The following RBCK1 variants were observed in gnomAD, a reference collection of about 807,000 sequenced individuals.
RBCK1 encodes the protein RANBP2-type and C3HC4-type zinc finger containing 1, also known as ranBP-type and C3HC4-type zinc finger-containing protein 1.
A neutral mutation model predicts 71.1 loss-of-function variants in RBCK1; 44 were observed. The observed-to-expected ratio is 0.62, with a 90% confidence interval of 0.49 to 0.80. The LOEUF (loss-of-function observed/expected upper bound fraction) is 0.80, where lower values mean the gene tolerates loss of function less well. Among genes scored for constraint, RBCK1 ranks in the 30% least tolerant of loss-of-function variants. The probability of loss-of-function intolerance (pLI) is 0.00; values close to 1 mark genes in which losing one functional copy is unlikely to be tolerated. For synonymous variants in RBCK1, 306 were observed against 279.7 expected (o/e 1.09, Z -0.94); for missense variants, 569 against 685.0 (o/e 0.83, Z 1.89).
In RBCK1 at chr20:419,558, G is replaced by A. The variant is rs746398460; in HGVS notation, c.583G>A (p.Val195Met). Residue 195 changes from valine (V) to methionine (M), a missense_variant and splice_region_variant, in exon 6 of 12, where the codon GTG becomes ATG. By Grantham distance (21) the Val-to-Met change is conservative. Around this residue, in one of 2 missense-constraint regions of RBCK1, gnomAD observed 358 missense variants for 375.6 expected, o/e 0.95. Coordinates refer to ENST00000356286, the MANE Select transcript of RBCK1 (RefSeq NM_031229.4). ...QPDAVPEPPP[V>M]GWQCPGCTFI... ...GGCTCACAGCACCCTCTGCTCCCAGGTGGGCTGGCAGTGCCCCGGGTGCAC... is the reference window on the plus strand; with the variant it reads ...GGCTCACAGCACCCTCTGCTCCCAGATGGGCTGGCAGTGCCCCGGGTGCAC... The A allele has an allele frequency of 3.7e-6, 6 of 1,606,550 alleles. No homozygotes were observed. Among genetic ancestry groups the A allele is most frequent in the Non-Finnish European group, 5.1e-6 (6 of 1,176,844 alleles).
At chr20:424,286 A>G (rs2122297699) in intron 8 of RBCK1, among the ~76,000 whole-genome samples, 1 of 152,250 alleles carries the variant, frequency 6.6e-6, no homozygotes. Context: ...TGAAAAGTGG[A>G]CAGTTGGGCT....
chr20:426,816 C>CTTTTTTTTTTTTTTTT (rs768525416), intron 8 of RBCK1, among the ~76,000 whole-genome samples: 1 of 95,508 alleles, frequency 1.0e-5, no homozygotes, highest in African/African-American at 5.3e-5. Context: ...TTTTCTTTTC[C>CTTTTTTTTTTTTTTTT]TTTTTTTTTT....
Position 428,885 on chromosome 20 carries a change from TG to T in RBCK1, c.1309-62del. The T allele has an allele frequency of 6.6e-7, 1 of 1,524,106 alleles. No individual in the cohort carries two copies. 94.4% of individuals were successfully genotyped at this position (1,524,106 alleles called of 1,614,324 possible). On this transcript the variant is annotated intron_variant, in intron 10 of 11. Coordinates refer to ENST00000356286, the MANE Select transcript of RBCK1 (RefSeq NM_031229.4). The surrounding 1 kb of genome is among the most constrained non-coding windows in gnomAD (Gnocchi z 5.7). ...GAGGGTCACCACCTTCTCCCTGCCATGGGGAGGGGCCAGGCTGGGTGACTGC... is the reference window on the plus strand; with the variant it reads ...GAGGGTCACCACCTTCTCCCTGCCATGGGAGGGGCCAGGCTGGGTGACTGC...
At chr20:411,417 G>C (rs987545458) in intron 2 of RBCK1, among the ~76,000 whole-genome samples, 1 of 151,822 alleles carries the variant, frequency 6.6e-6, no homozygotes, top group Non-Finnish European at 1.5e-5. Context: ...CCCCAGGCTG[G>C]AGTGCAGTGG....
intron 8 of RBCK1, among the ~76,000 whole-genome samples, chr20:423,334 T>C (rs1412237524): frequency 6.6e-6 from 1 of 152,114 alleles, no homozygotes; most frequent in Non-Finnish European, 1.5e-5. Context: ...GTAGTGCTTG[T>C]CACATAGTAA....
chr20:429,224 G>T (rs1224149371), intron 11 of RBCK1, 130 bp downstream of exon 11: 85 of 1,188,472 alleles, frequency 7.2e-5, no homozygotes, highest in Non-Finnish European at 8.6e-5. Flanking sequence ...CCCGAGGTAA[G>T]AATTTTTTTT....
rs6037624 is a variant in RBCK1, at chr20:428,648, C to T, written c.1308+59C>T. The T allele has an allele frequency of 0.048, 71,790 of 1,506,264 alleles. 1,939 individuals are homozygous for T. Among genetic ancestry groups the T allele is most frequent in the South Asian group, 0.076 (5,990 of 78,406 alleles). The allele number at this position is 1,506,264 out of a possible 1,614,324, so 93.3% of individuals were successfully genotyped here. A position where few individuals can be genotyped will look rare whatever the true frequency, so the allele number is the denominator to read the frequency against. Reference sequence around the variant, plus strand: ...TTAAGTTCTGGGATCCAGGTGGGGGCTGGGGGCTTCCCAGTAAGGGCTGTG... The same window carrying T: ...TTAAGTTCTGGGATCCAGGTGGGGGTTGGGGGCTTCCCAGTAAGGGCTGTG... On this transcript the variant is annotated intron_variant, in intron 10 of 11. Transcript: ENST00000356286. The surrounding 1 kb of genome is among the most constrained non-coding windows in gnomAD (Gnocchi z 5.7).
chr20:410,144 T>C, intron 2 of RBCK1, 119 bp downstream of exon 2: 1 of 1,129,644 alleles, frequency 8.9e-7, no homozygotes, highest in Non-Finnish European at 1.2e-6. Context: ...CTAACCCTAG[T>C]TATGTCATTA....
At position 428,637 on chromosome 20, in the gene RBCK1, C is replaced by T. The variant is rs746367898; in HGVS notation, c.1308+48C>T. 2.5e-4 allele frequency: 382 copies of T among 1,542,294 alleles called. No individual in the cohort carries two copies. The highest frequency in any genetic ancestry group is 3.2e-4 in the Non-Finnish European group (370 of 1,140,758). Reference sequence around the variant, plus strand: ...GCCTAGGGATTTTAAGTTCTGGGATCCAGGTGGGGGCTGGGGGCTTCCCAG... The same window carrying T: ...GCCTAGGGATTTTAAGTTCTGGGATTCAGGTGGGGGCTGGGGGCTTCCCAG... On this transcript the variant is annotated intron_variant, in intron 10 of 11. Coordinates refer to ENST00000356286, the MANE Select transcript of RBCK1 (RefSeq NM_031229.4). The surrounding 1 kb of genome is among the most constrained non-coding windows in gnomAD (Gnocchi z 5.7).
chr20:429,364 T>C (rs1390125509), intron 11 of RBCK1, among the ~76,000 whole-genome samples: 1 of 152,036 alleles, frequency 6.6e-6, no homozygotes, highest in Non-Finnish European at 1.5e-5. Context: ...GTAGCTGGGA[T>C]TACAGGCATG....
chr20:417,457 G>T lies in RBCK1; in HGVS notation c.168-69G>T. On this transcript the variant is annotated intron_variant, in intron 2 of 11. Coordinates refer to ENST00000356286, the MANE Select transcript of RBCK1 (RefSeq NM_031229.4). This position sits in a 1 kb window ranked among gnomAD's most constrained non-coding sequence, Gnocchi z 4.7. The stretch of plus-strand genomic sequence containing the variant: ...TGTGCCTGTGTGCAAATATGTACAT[G>T]TCTGTAGCCGGTGGCTGAGGCTGGA... 7.5e-7 allele frequency: 1 copy of T among 1,339,452 alleles called. No individual in the cohort carries two copies. Among genetic ancestry groups the T allele is most frequent in the Non-Finnish European group, 1.1e-6 (1 of 933,292 alleles). The allele number at this position is 1,339,452 out of a possible 1,614,324, so 83.0% of individuals were successfully genotyped here.
chr20:426,795 TTTC>T (rs1325054649), intron 8 of RBCK1, among the ~76,000 whole-genome samples: 2 of 151,236 alleles, frequency 1.3e-5, no homozygotes, highest in Non-Finnish European at 2.9e-5. Flanking sequence ...TTTCTTTCAC[TTTC>T]TTTTTACTTT....
Position 431,643 on chromosome 20 carries a change from A to G in RBCK1, c.*1213A>G, listed in dbSNP as rs2122357290. On this transcript the variant is annotated 3_prime_UTR_variant, in exon 12 of 12. Transcript: ENST00000356286. This position sits in a 1 kb window ranked among gnomAD's most constrained non-coding sequence, Gnocchi z 4.8. The stretch of plus-strand genomic sequence containing the variant: ...GGAAGGGCCTGTTCTAGCAACTGGA[A>G]AGGCACTGCCACCTGCCGTTGGATG... Among the ~76,000 whole-genome samples, 1 of 152,276 alleles carries G rather than the reference A, an allele frequency of 6.6e-6. No homozygotes were observed. The highest frequency in any genetic ancestry group is 6.5e-5 in the Admixed American group (1 of 15,300).
chr20:429,016 C>T lies in RBCK1; in HGVS notation c.1374C>T (p.Asp458=), dbSNP rs780494996. The T allele has an allele frequency of 1.7e-5, 27 of 1,612,294 alleles. No individual in the cohort carries two copies. The highest frequency in any genetic ancestry group is 8.9e-5 in the East Asian group (4 of 44,894). ...GCCAGATCGTGGTACAGAAGAAGGA[C>T]GGCTGCGACTGGATCCGCTGCACCG... ...PQCQIVVQKK[D]GCDWIRCTVC... is the part of the protein sequence containing the mutation. The change falls in exon 11 of 12, where the codon GAC becomes GAT. Residue 458 remains aspartate (D), a synonymous_variant. Coordinates refer to ENST00000356286, the MANE Select transcript of RBCK1 (RefSeq NM_031229.4).
In RBCK1 at chr20:409,789, C is replaced by T. The variant is rs1030499353; in HGVS notation, c.23-92C>T. 1.2e-5 allele frequency: 18 copies of T among 1,521,320 alleles called. No individual in the cohort carries two copies. In the African/African-American group the frequency reaches 1.8e-4, roughly 15 times the overall value. 94.2% of individuals were successfully genotyped at this position (1,521,320 alleles called of 1,614,324 possible). A position where few individuals can be genotyped will look rare whatever the true frequency, so the allele number is the denominator to read the frequency against. ...CACCAGGAAGACAGAGAAAGCAGCA[C>T]ACACAAAGGATCGCCTCCTTTCCTA... On this transcript the variant is annotated intron_variant, in intron 1 of 11. Transcript: ENST00000356286.
chr20:410,792 TAGTA>T, intron 2 of RBCK1: 1 of 452,286 alleles, frequency 2.2e-6, no homozygotes. Flanking sequence ...CATTACTGGA[TAGTA>T]AGGCAATAGT....
intron 2 of RBCK1, among the ~76,000 whole-genome samples, chr20:413,323 C>G (rs1470197626): frequency 1.3e-5 from 2 of 151,434 alleles, no homozygotes; most frequent in African/African-American, 2.4e-5. Context: ...AAAAAAACAA[C>G]AACAACTGGG....
chr20:421,066 T>G (rs2016404272), intron 7 of RBCK1, 35 bp downstream of exon 7: 1 of 1,504,282 alleles, frequency 6.6e-7, no homozygotes, highest in Admixed American at 2.0e-5. Context: ...GCAATGCAGC[T>G]TAATCAAAGC....
intron 11 of RBCK1, among the ~76,000 whole-genome samples, chr20:429,826 A>G (rs1006955178): frequency 6.6e-6 from 1 of 152,222 alleles, no homozygotes; most frequent in Non-Finnish European, 1.5e-5. Context: ...GCTCTGGCAC[A>G]TACTGACTGT....
Sources: gnomAD v4.1 joint callset for allele counts (sites outside exome capture counted in the v4.1 genomes callset) on GRCh38, gnomAD v4.1.1 for gene constraint, gnomAD v4.1.1 regional missense constraint, Gnocchi (gnomAD v3.1) non-coding constraint, MANE v1.5 for transcripts, NCBI Gene and HGNC (gene_info 2026-07-23, HGNC 2026-07-21) for gene names.